PCDHGA6: variants seen among roughly 807,000 people sequenced by gnomAD.
PCDHGA6 encodes the protein protocadherin gamma-A6.
PCDHGA6 carries 41 observed loss-of-function variants against 60.6 expected under a neutral mutation model. The ratio of observed to expected loss-of-function variants is 0.68; its 90% CI spans 0.53 to 0.88. The LOEUF (loss-of-function observed/expected upper bound fraction) is 0.88, where lower values mean the gene tolerates loss of function less well. Among genes scored for constraint, PCDHGA6 ranks in the 40% least tolerant of loss-of-function variants. PCDHGA6 has a pLI of 0.00. For missense variants in PCDHGA6, 1,312 were observed against 1,203.0 expected, an observed-to-expected ratio of 1.09 and a Z score of -1.34; for synonymous variants, 594 against 524.4, an observed-to-expected ratio of 1.13 and a Z score of -1.81.
At chr5:141,400,102 G>C (rs376189143) in intron 1 of PCDHGA6, 35 of 1,614,084 alleles carry the variant, frequency 2.2e-5, no homozygotes, top group Non-Finnish European at 3.0e-5. Context: ...GCTGCACTTG[G>C]TCTTTGCTGA....
In PCDHGA6 at chr5:141,389,714, C is replaced by T. The variant is rs771532940; in HGVS notation, c.2424+13207C>T. Reference sequence around the variant, plus strand: ...TGTCCTACCACGTGCTGCAGGCTAGCGAGCCCGGGCTCTTCAGCCTGGGGC... The same window carrying T: ...TGTCCTACCACGTGCTGCAGGCTAGTGAGCCCGGGCTCTTCAGCCTGGGGC... On this transcript the variant is annotated intron_variant, in intron 1 of 3. Transcript: ENST00000517434. 9 of 1,612,418 alleles carry T rather than the reference C, an allele frequency of 5.6e-6. No individual in the cohort carries two copies. In the Admixed American group the frequency reaches 1.2e-4, roughly 21 times the overall value.
intron 1 of PCDHGA6, chr5:141,397,999 G>GA (rs2093596115): frequency 2.9e-6 from 4 of 1,387,690 alleles, no homozygotes; most frequent in African/African-American, 2.9e-5. Flanking sequence ...TTCCTCCTCG[G>GA]AAAAAGAATC....
At chr5:141,389,743 G>T in intron 1 of PCDHGA6, 8 of 1,612,624 alleles carry the variant, frequency 5.0e-6, no homozygotes, top group Non-Finnish European at 6.8e-6. Flanking sequence ...CTGGGGCTGC[G>T]CACGGGCGAA....
In PCDHGA6 at chr5:141,511,036, G is replaced by T; in HGVS notation, c.2662G>T (p.Val888Leu). The T allele has an allele frequency of 1.2e-6, 2 of 1,614,200 alleles. No homozygotes were observed. The highest frequency in any genetic ancestry group is 1.7e-6 in the Non-Finnish European group (2 of 1,180,024). Residue 888 changes from valine to leucine, a missense_variant, in exon 4 of 4, where the codon GTG (valine) becomes TTG (leucine). Transcript: ENST00000517434. ...RYGPQFTLQHVPDYRQNVYIP... is the reference protein window; with the variant it reads ...RYGPQFTLQHLPDYRQNVYIP... Reference sequence around the variant, plus strand: ...CGGACCCCAGTTCACCCTGCAGCACGTGCCCGACTACCGCCAGAATGTCTA... The same window carrying T: ...CGGACCCCAGTTCACCCTGCAGCACTTGCCCGACTACCGCCAGAATGTCTA...
At chr5:141,500,222 T>TGA (rs1355843194) in intron 2 of PCDHGA6, among the ~76,000 whole-genome samples, 1 of 146,758 alleles carries the variant, frequency 6.8e-6, no homozygotes, top group Non-Finnish European at 1.5e-5. Flanking sequence ...ATTTATTTAT[T>TGA]TATTGATACG....
In PCDHGA6 at chr5:141,431,710, G is replaced by A. The variant is rs1249423969; in HGVS notation, c.2424+55203G>A. On this transcript the variant is annotated intron_variant, in intron 1 of 3. Coordinates refer to ENST00000517434, the MANE Select transcript of PCDHGA6 (RefSeq NM_018919.3). The surrounding 1 kb of genome is among the most constrained non-coding windows in gnomAD (Gnocchi z 4.8). ...ACGAGGAGTCAGGATTCTACCAGAT[G>A]GAAGTGCAAGCAATGGATAATGCAG... is the stretch of plus-strand genomic sequence containing the variant. 3.1e-6 allele frequency: 5 copies of A among 1,614,116 alleles called. No individual in the cohort carries two copies. Among genetic ancestry groups the A allele is most frequent in the South Asian group, 1.1e-5 (1 of 91,088 alleles).
At chr5:141,379,148 C>A (rs1775403253) in intron 1 of PCDHGA6, 1 of 152,174 alleles carries the variant, frequency 6.6e-6, no homozygotes, top group East Asian at 1.9e-4. Flanking sequence ...TCCTTTGTAA[C>A]CTGACTTTGT....
At chr5:141,397,699 C>A (rs1304915257) in intron 1 of PCDHGA6, among the ~76,000 whole-genome samples, 1 of 152,158 alleles carries the variant, frequency 6.6e-6, no homozygotes, top group Non-Finnish European at 1.5e-5. Flanking sequence ...AAAAACCCAA[C>A]GTGATATTTC....
chr5:141,420,256 T>C (rs377440259), intron 1 of PCDHGA6: 2 of 1,569,010 alleles, frequency 1.3e-6, no homozygotes, highest in Non-Finnish European at 1.7e-6. Flanking sequence ...TTGAAGCAGA[T>C]AAGAAGATTC....
In PCDHGA6 at chr5:141,512,843, T is replaced by G. The variant is rs2099884463; in HGVS notation, c.*1670T>G. ...CCCTCCCCCGTACTGACTTCTCCTATAAGCGCTTCTCTTCGCATAGTCACG... is the reference window on the plus strand; with the variant it reads ...CCCTCCCCCGTACTGACTTCTCCTAGAAGCGCTTCTCTTCGCATAGTCACG... On this transcript the variant is annotated 3_prime_UTR_variant, in exon 4 of 4. Coordinates refer to ENST00000517434, the MANE Select transcript of PCDHGA6 (RefSeq NM_018919.3). 6.6e-6 allele frequency: 1 copy of G among 152,290 alleles called. No individual in the cohort carries two copies. The highest frequency in any genetic ancestry group is 1.5e-5 in the Non-Finnish European group (1 of 68,088). 9.4% of individuals were successfully genotyped at this position (152,290 alleles called of 1,614,324 possible).
intron 1 of PCDHGA6, among the ~76,000 whole-genome samples, chr5:141,425,864 A>T (rs2096899427): frequency 6.6e-6 from 1 of 152,254 alleles, no homozygotes; most frequent in African/African-American, 2.4e-5. Flanking sequence ...TGTTCTATAG[A>T]TTCCCATCTC....
Position 141,400,379 on chromosome 5 carries a change from G to C in PCDHGA6, c.2424+23872G>C, listed in dbSNP as rs759135733. 3 of 1,613,922 alleles carry C rather than the reference G, an allele frequency of 1.9e-6. No homozygotes were observed. The East Asian group carries it at 6.7e-5, about 36-fold the overall frequency. ...ACTTTGCCTTATTCCTACAACCTAT[G>C]TGTTGCACATACAGGAAAGACGGAG... On this transcript the variant is annotated intron_variant, in intron 1 of 3. Coordinates refer to ENST00000517434, the MANE Select transcript of PCDHGA6 (RefSeq NM_018919.3).
intron 1 of PCDHGA6, chr5:141,393,417 A>G (rs2092754726): frequency 6.2e-6 from 10 of 1,614,032 alleles, no homozygotes; most frequent in Non-Finnish European, 8.5e-6. Flanking sequence ...CGCCCTGGAC[A>G]GGGAGGAAGA....
chr5:141,410,087 G>A (rs1427716409), intron 1 of PCDHGA6: 1 of 1,612,482 alleles, frequency 6.2e-7, no homozygotes, highest in African/African-American at 1.3e-5. Flanking sequence ...GGTGCGCACG[G>A]CTCGAGCCTT....
intron 1 of PCDHGA6, among the ~76,000 whole-genome samples, chr5:141,380,518 T>C (rs1166161347): frequency 1.3e-5 from 2 of 152,254 alleles, no homozygotes; most frequent in African/African-American, 2.4e-5. Context: ...CTTTAAACTA[T>C]GAAATGATTT....
intron 1 of PCDHGA6, among the ~76,000 whole-genome samples, chr5:141,494,177 TG>T (rs2099752471): frequency 6.6e-6 from 1 of 152,176 alleles, no homozygotes; most frequent in Non-Finnish European, 1.5e-5. Flanking sequence ...GGGTGAGAAG[TG>T]TCCCGGGACT....
At chr5:141,415,153 G>A in intron 1 of PCDHGA6, 4 of 1,613,780 alleles carry the variant, frequency 2.5e-6, no homozygotes, top group South Asian at 2.2e-5. Flanking sequence ...CCCTCTCTCC[G>A]CCACTGTCAC....
chr5:141,465,546 T>C (rs572856697), intron 1 of PCDHGA6, among the ~76,000 whole-genome samples: 1 of 152,338 alleles, frequency 6.6e-6, no homozygotes, highest in South Asian at 2.1e-4. Context: ...GCATTTTTTC[T>C]GCTGAAGCTT....
Position 141,491,756 on chromosome 5 carries a change from C to T in PCDHGA6, c.2425-3051C>T. The T allele has an allele frequency of 1.3e-6, 2 of 1,581,720 alleles. No individual in the cohort carries two copies. Among genetic ancestry groups the T allele is most frequent in the Non-Finnish European group, 8.6e-7 (1 of 1,165,100 alleles). ...CCTGGGGGCGGCACTGGAGAAGCCG[C>T]CCGTCCTCATAAGGGATTGAACTTG... On this transcript the variant is annotated intron_variant, in intron 1 of 3. Coordinates refer to ENST00000517434, the MANE Select transcript of PCDHGA6 (RefSeq NM_018919.3). This position sits in a 1 kb window ranked among gnomAD's most constrained non-coding sequence, Gnocchi z 6.9.
Sources: gnomAD v4.1 joint callset for allele counts (sites outside exome capture counted in the v4.1 genomes callset) on GRCh38, gnomAD v4.1.1 for gene constraint, Gnocchi (gnomAD v3.1) non-coding constraint, MANE v1.5 for transcripts, NCBI Gene and HGNC (gene_info 2026-07-23, HGNC 2026-07-21) for gene names.